The following FHIT variants were observed in gnomAD, a reference collection of about 807,000 sequenced individuals.
The protein encoded by FHIT is fragile histidine triad diadenosine triphosphatase.
A neutral mutation model predicts 17.9 loss-of-function variants in FHIT; 19 were observed. The ratio of observed to expected loss-of-function variants is 1.06; its 90% CI spans 0.74 to 1.56. FHIT has a LOEUF of 1.56. Ranked by LOEUF, FHIT falls within the 40% of genes most tolerant of loss-of-function variation. The probability of loss-of-function intolerance (pLI) is 0.00; values close to 1 mark genes in which losing one functional copy is unlikely to be tolerated. For missense variants in FHIT, 248 were observed against 189.2 expected (o/e 1.31, Z -1.82); for synonymous variants, 81 against 69.7 (o/e 1.16, Z -0.81).
At position 60,053,269 on chromosome 3, in the gene FHIT, C is replaced by CAT. The variant is rs535974912; in HGVS notation, c.104-39119_104-39118dup. 2.0e-5 allele frequency among the ~76,000 whole-genome samples: 3 copies of CAT among 151,392 alleles called. No individual in the cohort carries two copies. The South Asian group carries it at 6.3e-4, about 32-fold the overall frequency. ...ATCCCAATTATTTTCTCTCTAGATA[C>CAT]ATATATATATGTCAGTCCATAAACA... On this transcript the variant is annotated intron_variant, in intron 5 of 9. Transcript: ENST00000492590.
At chr3:61,210,966 G>T (rs1404653554) in intron 1 of FHIT, among the ~76,000 whole-genome samples, 1 of 151,742 alleles carries the variant, frequency 6.6e-6, no homozygotes, top group African/African-American at 2.4e-5. Context: ...GTTTTTTATT[G>T]ACATATAACA....
At chr3:60,711,844 ACT>A (rs2041542179) in intron 4 of FHIT, among the ~76,000 whole-genome samples, 1 of 152,206 alleles carries the variant, frequency 6.6e-6, no homozygotes, top group African/African-American at 2.4e-5. Flanking sequence ...GTTGGAAAAC[ACT>A]CTGCAGGATA....
intron 5 of FHIT, among the ~76,000 whole-genome samples, chr3:60,319,533 A>G (rs1374606553): frequency 1.3e-5 from 2 of 152,164 alleles, no homozygotes; most frequent in Non-Finnish European, 2.9e-5. Context: ...GGGCAGAGAC[A>G]TTGATTCACA....
chr3:59,945,939 T>C (rs1706780977), intron 7 of FHIT, among the ~76,000 whole-genome samples: 1 of 152,232 alleles, frequency 6.6e-6, no homozygotes, highest in South Asian at 2.1e-4. Flanking sequence ...AGCCTTGTAG[T>C]ACAGTTTGAA....
intron 2 of FHIT, among the ~76,000 whole-genome samples, chr3:61,102,201 T>C (rs967108987): frequency 6.6e-6 from 1 of 152,192 alleles, no homozygotes; most frequent in Non-Finnish European, 1.5e-5. Flanking sequence ...TTGTCATAAA[T>C]AGTTCTTATT....
At chr3:60,473,228 T>C (rs927514666) in intron 5 of FHIT, among the ~76,000 whole-genome samples, 1 of 152,190 alleles carries the variant, frequency 6.6e-6, no homozygotes, top group African/African-American at 2.4e-5. Context: ...AAACTCCATA[T>C]CCACAGATAG....
chr3:61,121,112 C>T (rs886856039), intron 2 of FHIT, among the ~76,000 whole-genome samples: 2 of 152,012 alleles, frequency 1.3e-5, no homozygotes, highest in African/African-American at 4.8e-5. Context: ...ACCAAACCTA[C>T]AACTGATTGG....
chr3:60,531,310 G>A (rs11720828), intron 5 of FHIT, among the ~76,000 whole-genome samples: 3 of 123,976 alleles, frequency 2.4e-5, no homozygotes, highest in Non-Finnish European at 3.1e-5. Flanking sequence ...ACGGAGTCTC[G>A]CTCTGTCGCC....
intron 5 of FHIT, among the ~76,000 whole-genome samples, chr3:60,327,946 A>G (rs75580416): frequency 2.6e-5 from 4 of 152,212 alleles, no homozygotes; most frequent in African/African-American, 9.6e-5. Context: ...CATCCCTCAA[A>G]GGGCAAGGGG....
intron 5 of FHIT, among the ~76,000 whole-genome samples, chr3:60,373,764 T>TA (rs1700433309): frequency 6.6e-6 from 1 of 152,178 alleles, no homozygotes; most frequent in Admixed American, 6.5e-5. Flanking sequence ...AACGTCTATC[T>TA]AACCAGAATG....
At chr3:61,048,963 C>T (rs566357426) in intron 2 of FHIT, among the ~76,000 whole-genome samples, 192 of 151,804 alleles carry the variant, frequency 1.3e-3, no homozygotes, top group African/African-American at 4.5e-3. Context: ...CATCACACAC[C>T]AGGGCCTGTT....
At position 60,242,127 on chromosome 3, in the gene FHIT, T is replaced by C. The variant is rs556232389; in HGVS notation, c.104-227975A>G. Among the ~76,000 whole-genome samples the C allele has an allele frequency of 2.0e-5, 3 of 152,242 alleles. No homozygotes were observed. The South Asian group carries it at 6.2e-4, about 32-fold the overall frequency. ...AACAACTAAAAATATGTATTATCTT[T>C]CACGTTTTATTTCTTCCCAGCTTCT... is the stretch of plus-strand genomic sequence containing the variant. On this transcript the variant is annotated intron_variant, in intron 5 of 9. Transcript: ENST00000492590.
At chr3:60,562,035 A>C (rs1336867784) in intron 4 of FHIT, among the ~76,000 whole-genome samples, 2 of 152,164 alleles carry the variant, frequency 1.3e-5, no homozygotes, top group Non-Finnish European at 2.9e-5. Context: ...TTATTACCCG[A>C]AAACATGCTT....
chr3:60,929,120 A>T (rs1707812469), intron 3 of FHIT, among the ~76,000 whole-genome samples: 1 of 152,212 alleles, frequency 6.6e-6, no homozygotes, highest in African/African-American at 2.4e-5. Flanking sequence ...AAACCACATG[A>T]TTATCTCAAT....
At chr3:60,928,599 A>G (rs1425629026) in intron 3 of FHIT, among the ~76,000 whole-genome samples, 1 of 151,892 alleles carries the variant, frequency 6.6e-6, no homozygotes, top group Non-Finnish European at 1.5e-5. Flanking sequence ...ATGCTAAAAA[A>G]AAAAAAGAAA....
intron 1 of FHIT, among the ~76,000 whole-genome samples, chr3:61,222,443 G>C (rs773179195): frequency 5.9e-5 from 9 of 152,156 alleles, no homozygotes; most frequent in Non-Finnish European, 1.3e-4. Context: ...CTGGCTCATG[G>C]CTTTGCAACA....
At chr3:61,021,055 G>C (rs1237089464) in intron 3 of FHIT, among the ~76,000 whole-genome samples, 1 of 152,084 alleles carries the variant, frequency 6.6e-6, no homozygotes, top group African/African-American at 2.4e-5. Flanking sequence ...GACCTACAAA[G>C]AGACTTAGAC....
rs62251666 is a variant in FHIT, at chr3:60,521,538, T to C, written c.103+15322A>G. On this transcript the variant is annotated intron_variant, in intron 5 of 9. Coordinates refer to ENST00000492590, the MANE Select transcript of FHIT (RefSeq NM_002012.4). Reference sequence around the variant, plus strand: ...CTGGGATTACAGGCATGAGCCACTGTGCCCGGCCAAAAGTTATAATTATTA... The same window carrying C: ...CTGGGATTACAGGCATGAGCCACTGCGCCCGGCCAAAAGTTATAATTATTA... Among the ~76,000 whole-genome samples the C allele has an allele frequency of 1.3e-3, 197 of 152,300 alleles. 5 individuals carry two copies. In the South Asian group the frequency reaches 0.022, roughly 17 times the overall value.
At chr3:59,799,475 G>A (rs1699909378) in intron 8 of FHIT, among the ~76,000 whole-genome samples, 1 of 151,906 alleles carries the variant, frequency 6.6e-6, no homozygotes, top group African/African-American at 2.4e-5. Context: ...TGGATATTTT[G>A]TTCATGAGAA....
Sources: gnomAD v4.1 joint callset for allele counts (sites outside exome capture counted in the v4.1 genomes callset) on GRCh38, gnomAD v4.1.1 for gene constraint, MANE v1.5 for transcripts, NCBI Gene and HGNC (gene_info 2026-07-23, HGNC 2026-07-21) for gene names.